Variants in TXNDC16 observed in about 807,000 individuals in gnomAD.
TXNDC16 encodes the protein thioredoxin domain containing 16.
Under a neutral mutation model 85.6 loss-of-function variants are expected in TXNDC16, and 74 were observed. That is an observed-to-expected ratio of 0.86 (90% CI 0.72 to 1.05). TXNDC16 has a LOEUF of 1.05. Among genes scored for constraint, TXNDC16 ranks in the 50% least tolerant of loss-of-function variants. TXNDC16 has a pLI of 0.00. For synonymous variants in TXNDC16, 335 were observed against 326.5 expected (o/e 1.03, Z -0.28); for missense variants, 959 against 947.0 (o/e 1.01, Z -0.17).
intron 9 of TXNDC16, among the ~76,000 whole-genome samples, chr14:52,491,391 T>G (rs941201382): frequency 7.0e-6 from 1 of 143,372 alleles, no homozygotes; most frequent in African/African-American, 2.6e-5. Context: ...AGAGACGAGG[T>G]CTCCCTATGT....
chr14:52,444,173 A>C (rs150907276), intron 18 of TXNDC16, among the ~76,000 whole-genome samples: 1 of 152,178 alleles, frequency 6.6e-6, no homozygotes, highest in African/African-American at 2.4e-5. Context: ...GAGGTCATCA[A>C]ATGTGGTACT....
chr14:52,487,803 A>G (rs1349967502), intron 12 of TXNDC16, among the ~76,000 whole-genome samples: 2 of 152,250 alleles, frequency 1.3e-5, no homozygotes, highest in Non-Finnish European at 2.9e-5. Flanking sequence ...GCTAACTCAG[A>G]GAATAATAAT....
chr14:52,508,158 T>A (rs12435393), intron 9 of TXNDC16, among the ~76,000 whole-genome samples: 3 of 151,654 alleles, frequency 2.0e-5, no homozygotes, highest in Admixed American at 6.6e-5. Context: ...ATTTTTGCAA[T>A]CTACTCATCT....
chr14:52,539,360 G>A (rs2140225769), intron 4 of TXNDC16, among the ~76,000 whole-genome samples: 1 of 152,290 alleles, frequency 6.6e-6, no homozygotes, highest in African/African-American at 2.4e-5. Context: ...CAAAGGCCCT[G>A]TGGTTAACAG....
intron 6 of TXNDC16, among the ~76,000 whole-genome samples, chr14:52,528,319 A>T (rs2037386111): frequency 6.6e-6 from 1 of 152,194 alleles, no homozygotes; most frequent in Admixed American, 6.5e-5. Flanking sequence ...AAAGTAACAC[A>T]TATTCTCTAA....
chr14:52,509,657 T>TA (rs1236375998), intron 9 of TXNDC16, among the ~76,000 whole-genome samples: 1 of 149,802 alleles, frequency 6.7e-6, no homozygotes, highest in East Asian at 2.0e-4. Flanking sequence ...ATAAAAAAAT[T>TA]AAAAAATGGC....
intron 16 of TXNDC16, among the ~76,000 whole-genome samples, chr14:52,468,267 T>G (rs2035822027): frequency 6.6e-6 from 1 of 152,158 alleles, no homozygotes; most frequent in Non-Finnish European, 1.5e-5. Context: ...TTATCAAAAT[T>G]TTTTTAAAAG....
chr14:52,435,642 C>T (rs931321075), intron 20 of TXNDC16, among the ~76,000 whole-genome samples: 2 of 151,776 alleles, frequency 1.3e-5, no homozygotes, highest in Non-Finnish European at 2.9e-5. Flanking sequence ...CTAAAGGAAC[C>T]CAGAATAGCC....
intron 20 of TXNDC16, among the ~76,000 whole-genome samples, chr14:52,438,324 C>T (rs1226532597): frequency 1.3e-5 from 2 of 152,148 alleles, no homozygotes; most frequent in Non-Finnish European, 2.9e-5. Flanking sequence ...AAAGAAAGGT[C>T]AATCAATGCT....
intron 16 of TXNDC16, among the ~76,000 whole-genome samples, chr14:52,466,823 C>T (rs932453153): frequency 6.6e-6 from 1 of 151,840 alleles, no homozygotes; most frequent in Non-Finnish European, 1.5e-5. Context: ...GCCGAGATCA[C>T]GCCACTGCAC....
At chr14:52,524,236 G>A (rs1312862632) in intron 6 of TXNDC16, among the ~76,000 whole-genome samples, 1 of 152,152 alleles carries the variant, frequency 6.6e-6, no homozygotes, top group African/African-American at 2.4e-5. Flanking sequence ...CAATCCTTAC[G>A]CTCTGCAATA....
At chr14:52,530,132 C>T (rs1292424301) in intron 6 of TXNDC16, among the ~76,000 whole-genome samples, 2 of 73,534 alleles carry the variant, frequency 2.7e-5, no homozygotes, top group Non-Finnish European at 4.5e-5. Flanking sequence ...TTACATATTA[C>T]AATTTACATA....
At chr14:52,493,216 T>TACACACACACACAC (rs35747449) in intron 9 of TXNDC16, among the ~76,000 whole-genome samples, 7 of 115,942 alleles carry the variant, frequency 6.0e-5, no homozygotes, top group Admixed American at 2.8e-4. Flanking sequence ...TATATATATA[T>TACACACACACACAC]ACACACACAC....
chr14:52,547,921 G>A (rs987954376), intron 1 of TXNDC16, among the ~76,000 whole-genome samples: 5 of 152,212 alleles, frequency 3.3e-5, no homozygotes, highest in African/African-American at 4.8e-5. Flanking sequence ...TTCTCTGCAC[G>A]TTAAAATTAT....
At position 52,529,701 on chromosome 14, in the gene TXNDC16, A is replaced by ATATATATAATGCCTATTATATATAT. The variant is rs1594756425; in HGVS notation, c.392+6993_392+7017dup. Among the ~76,000 whole-genome samples the ATATATATAATGCCTATTATATATAT allele has an allele frequency of 3.6e-4, 14 of 39,218 alleles. 2 individuals carry two copies. Among genetic ancestry groups the ATATATATAATGCCTATTATATATAT allele is most frequent in the Admixed American group, 9.4e-4 (3 of 3,194 alleles). 25.7% of individuals were successfully genotyped at this position (39,218 alleles called of 152,430 possible). On this transcript the variant is annotated intron_variant, in intron 6 of 20. Transcript: ENST00000281741. Reference sequence around the variant, plus strand: ...ATATATATAATGCCTATTATATATAATATATATAATGCCTATTATATATAT... The same window carrying ATATATATAATGCCTATTATATATAT: ...ATATATATAATGCCTATTATATATAATATATATAATGCCTATTATATATATTATATATAATGCCTATTATATATAT...
intron 6 of TXNDC16, among the ~76,000 whole-genome samples, chr14:52,526,011 T>C (rs1013370523): frequency 6.6e-6 from 1 of 152,136 alleles, no homozygotes; most frequent in Admixed American, 6.5e-5. Flanking sequence ...TGTATTGTTA[T>C]ATTTGATTGC....
At chr14:52,488,556 C>A in intron 11 of TXNDC16, 70 bp from the exon 12 acceptor site, 1 of 1,339,620 alleles carries the variant, frequency 7.5e-7, no homozygotes, top group South Asian at 1.4e-5. Context: ...TTTACTTGGG[C>A]CAGGTGTGGT....
chr14:52,511,928 T>C (rs948962279), intron 8 of TXNDC16, among the ~76,000 whole-genome samples: 1 of 152,182 alleles, frequency 6.6e-6, no homozygotes, highest in Non-Finnish European at 1.5e-5. Context: ...TGGCTTATAA[T>C]TTGAGCTTTC....
At chr14:52,493,957 A>G (rs2036473749) in intron 9 of TXNDC16, among the ~76,000 whole-genome samples, 1 of 151,390 alleles carries the variant, frequency 6.6e-6, no homozygotes, top group African/African-American at 2.4e-5. Context: ...ATTTTTATAT[A>G]TTTTGTAGAG....
Sources: gnomAD v4.1 joint callset for allele counts (sites outside exome capture counted in the v4.1 genomes callset) on GRCh38, gnomAD v4.1.1 for gene constraint, MANE v1.5 for transcripts, NCBI Gene and HGNC (gene_info 2026-07-23, HGNC 2026-07-21) for gene names.